The following RRAS2 variants were observed in gnomAD, a reference collection of about 807,000 sequenced individuals.
RRAS2 encodes the protein ras-related protein R-Ras2.
RRAS2 carries 7 observed loss-of-function variants against 27.6 expected under a neutral mutation model. That is an observed-to-expected ratio of 0.25 (90% CI 0.14 to 0.48). RRAS2 has a LOEUF of 0.48. Ranked by LOEUF, RRAS2 falls within the 20% of genes least tolerant of loss-of-function variation. The pLI, the probability that RRAS2 is intolerant of heterozygous loss-of-function variation, is 0.99. For synonymous variants in RRAS2, 86 were observed against 90.9 expected (o/e 0.95, Z 0.31); for missense variants, 178 against 256.2 (o/e 0.69, Z 2.08).
At chr11:14,330,659 A>G (rs892474467) in intron 1 of RRAS2, among the ~76,000 whole-genome samples, 5 of 152,116 alleles carry the variant, frequency 3.3e-5, no homozygotes, top group Non-Finnish European at 7.4e-5. Context: ...ACATTAAAAA[A>G]AATTTTTTTT....
rs782602172 is a variant in RRAS2, at chr11:14,279,450, T to A, written c.528-26A>T. The A allele has an allele frequency of 5.0e-5, 75 of 1,508,500 alleles. No homozygotes were observed. The East Asian group carries it at 1.7e-3, about 34-fold the overall frequency. 93.4% of individuals were successfully genotyped at this position (1,508,500 alleles called of 1,614,324 possible). ...CTGTAAGATAAAAAATTCTAAAATA[T>A]AATTGCCTTCTTGGTAATCTACTAT... is the stretch of plus-strand genomic sequence containing the variant. On this transcript the variant is annotated intron_variant, in intron 5 of 5. Transcript: ENST00000256196.
chr11:14,301,506 G>A (rs1554947390), intron 1 of RRAS2, among the ~76,000 whole-genome samples: 1 of 149,936 alleles, frequency 6.7e-6, no homozygotes, highest in African/African-American at 2.5e-5. Context: ...TACTTTTATT[G>A]TCCATTTCTT....
chr11:14,305,784 C>T (rs1847815427), intron 1 of RRAS2, among the ~76,000 whole-genome samples: 1 of 152,168 alleles, frequency 6.6e-6, no homozygotes, highest in Non-Finnish European at 1.5e-5. Context: ...ATGGCTCACA[C>T]CTGTAATCCC....
At chr11:14,342,705 T>C (rs541467295) in intron 1 of RRAS2, among the ~76,000 whole-genome samples, 205 of 152,198 alleles carry the variant, frequency 1.3e-3, no homozygotes, top group Non-Finnish European at 2.4e-3. Context: ...AAGGTTAATA[T>C]TAAGAAAATA....
At chr11:14,316,178 G>A (rs1554949502) in intron 1 of RRAS2, among the ~76,000 whole-genome samples, 3 of 152,118 alleles carry the variant, frequency 2.0e-5, no homozygotes, top group Non-Finnish European at 4.4e-5. Context: ...ATAATGGAAA[G>A]TGACAATCGC....
At chr11:14,293,161 A>ATATATATATATATATATC (rs1847461157) in intron 4 of RRAS2, among the ~76,000 whole-genome samples, 1 of 126,726 alleles carries the variant, frequency 7.9e-6, no homozygotes, top group Admixed American at 7.9e-5. Flanking sequence ...ATATATATAT[A>ATATATATATATATATATC]TCATTTTCTC....
intron 1 of RRAS2, chr11:14,341,836 G>C (rs1334811413): frequency 4.4e-6 from 2 of 454,256 alleles, no homozygotes; most frequent in Non-Finnish European, 8.8e-6. Context: ...CAAAACATTT[G>C]TAATATGATT....
At chr11:14,354,266 C>T (rs1457384040) in intron 1 of RRAS2, 1 of 152,172 alleles carries the variant, frequency 6.6e-6, no homozygotes, top group Non-Finnish European at 1.5e-5. Context: ...CAGCTAACCC[C>T]TACCTACCTC....
At chr11:14,295,722 T>TA (rs782328747) in intron 2 of RRAS2, 46 bp downstream of exon 2, 16 of 1,473,052 alleles carry the variant, frequency 1.1e-5, no homozygotes, top group African/African-American at 2.8e-5. Context: ...CTTACTTTTT[T>TA]AAAAAATATG....
chr11:14,328,242 T>C (rs1330978174), intron 1 of RRAS2, among the ~76,000 whole-genome samples: 1 of 151,806 alleles, frequency 6.6e-6, no homozygotes, highest in Non-Finnish European at 1.5e-5. Context: ...GGTGCATGCC[T>C]GTAATCCCAG....
intron 1 of RRAS2, among the ~76,000 whole-genome samples, chr11:14,301,439 CCTTCCTCCTTTTCTCT>C (rs1554947381): frequency 6.6e-6 from 1 of 151,958 alleles, no homozygotes; most frequent in Non-Finnish European, 1.5e-5. Flanking sequence ...CTCTTTTCTC[CCTTCCTCCTTTTCTCT>C]CAACACCACA....
At position 14,309,810 on chromosome 11, in the gene RRAS2, TGC is replaced by T. The variant is rs376902441; in HGVS notation, c.109-13957_109-13956del. ...ATTAACAGGGAGGCAGGCGGAGACT[TGC>T]AGGCCAGAGTGAGGACTTCAGATTT... is the stretch of plus-strand genomic sequence containing the variant. On this transcript the variant is annotated intron_variant, in intron 1 of 5. Transcript: ENST00000256196. Among the ~76,000 whole-genome samples, 165 of 152,332 alleles carry T rather than the reference TGC, an allele frequency of 1.1e-3. 1 individual carries two copies. The Middle Eastern group carries it at 0.014, about 13-fold the overall frequency.
At chr11:14,335,535 C>G (rs1053655433) in intron 1 of RRAS2, among the ~76,000 whole-genome samples, 2 of 152,058 alleles carry the variant, frequency 1.3e-5, no homozygotes, top group African/African-American at 4.8e-5. Context: ...AAAATAGAAA[C>G]AAAATCAAAA....
chr11:14,297,163 T>C (rs1220616812), intron 1 of RRAS2, among the ~76,000 whole-genome samples: 3 of 152,358 alleles, frequency 2.0e-5, no homozygotes, highest in Non-Finnish European at 4.4e-5. Context: ...TTTGATCTAC[T>C]TTGGACTGAC....
At chr11:14,294,442 G>T in intron 4 of RRAS2, 29 bp downstream of exon 4, 1 of 1,384,248 alleles carries the variant, frequency 7.2e-7, no homozygotes, top group Non-Finnish European at 1.0e-6. Context: ...ATAAACAATT[G>T]GTTTCCCAAC....
At chr11:14,329,827 C>T (rs1372852194) in intron 1 of RRAS2, among the ~76,000 whole-genome samples, 1 of 152,172 alleles carries the variant, frequency 6.6e-6, no homozygotes, top group Non-Finnish European at 1.5e-5. Flanking sequence ...CCCTGCACTT[C>T]AGGAGGCCAA....
intron 4 of RRAS2, among the ~76,000 whole-genome samples, chr11:14,282,531 T>A (rs777404537): frequency 2.2e-4 from 33 of 152,190 alleles, no homozygotes; most frequent in Non-Finnish European, 4.6e-4. Context: ...TACTAAAAAT[T>A]ATTAAACTCT....
At chr11:14,352,714 C>G (rs916390670) in intron 1 of RRAS2, among the ~76,000 whole-genome samples, 1 of 148,456 alleles carries the variant, frequency 6.7e-6, no homozygotes, top group African/African-American at 2.5e-5. Context: ...ATTTTAAAGA[C>G]CAACTTTAAT....
intron 4 of RRAS2, among the ~76,000 whole-genome samples, chr11:14,290,069 C>T (rs1048138308): frequency 6.6e-6 from 1 of 152,176 alleles, no homozygotes; most frequent in African/African-American, 2.4e-5. Context: ...ACAGCATCCC[C>T]GTGGCCTGTC....
Sources: allele counts gnomAD v4.1 joint callset (sites outside exome capture counted in the v4.1 genomes callset), GRCh38; gene constraint gnomAD v4.1.1; transcripts MANE v1.5; gene names NCBI Gene and HGNC (gene_info 2026-07-23, HGNC 2026-07-21).